CFAP65: variants seen among roughly 807,000 people sequenced by gnomAD.
The protein encoded by CFAP65 is cilia- and flagella-associated protein 65.
A neutral mutation model predicts 208.0 loss-of-function variants in CFAP65; 155 were observed. The observed-to-expected ratio is 0.75, with a 90% confidence interval of 0.65 to 0.85. The LOEUF (loss-of-function observed/expected upper bound fraction) is 0.85. Ranked by LOEUF, CFAP65 falls within the 40% of genes least tolerant of loss-of-function variation. The pLI is 0.00. For missense variants in CFAP65, 2,294 were observed against 2,451.3 expected (o/e 0.94, Z 1.36); for synonymous variants, 970 against 986.3 (o/e 0.98, Z 0.31).
At position 219,002,953 on chromosome 2, in the gene CFAP65, G is replaced by T; in HGVS notation, c.5762C>A (p.Pro1921His). Residue 1921 changes from proline to histidine, a missense_variant, in exon 35 of 35, where the codon CCT (proline) becomes CAT (histidine). Pro to His is a moderately conservative substitution (Grantham distance 77). This residue lies in a region of CFAP65 where 1,427 missense variants were observed against 1,438.7 expected (regional missense o/e 0.99). Transcript: ENST00000341552. The surrounding 1 kb of genome is among the most constrained non-coding windows in gnomAD (Gnocchi z 7.9). ...AEVLHPVVPL[P>H]TDLP is the part of the protein sequence containing the mutation. ...CGCGGGCATTTACGGAAGGTCGGTA[G>T]GAAGTGGCACCACCGGGTGGAGTAC... The T allele has an allele frequency of 6.4e-7, 1 of 1,566,926 alleles. No individual in the cohort carries two copies. Among genetic ancestry groups the T allele is most frequent in the Non-Finnish European group, 8.7e-7 (1 of 1,155,642 alleles).
rs752025994 is a variant in CFAP65, at chr2:219,019,029, A to G, written c.3602+22T>C. 4.3e-6 allele frequency: 7 copies of G among 1,613,950 alleles called. 1 individual carries two copies. The East Asian group carries it at 1.6e-4, about 36-fold the overall frequency. On this transcript the variant is annotated intron_variant, in intron 21 of 34. Transcript: ENST00000341552. ...TAGGCACTTGTCTCCCAGGCCCCCC[A>G]GTGGCCCCCTTCAAGCCATACCAGT...
chr2:219,034,050 A>C (rs1421316830), intron 5 of CFAP65: 1 of 152,212 alleles, frequency 6.6e-6, no homozygotes, highest in Non-Finnish European at 1.5e-5. Context: ...AAATCTAACT[A>C]AGGATGTGCT....
In CFAP65 at chr2:219,019,118, G is replaced by A. The variant is rs746877204; in HGVS notation, c.3535C>T (p.Pro1179Ser). ...LRLDFNFGAA[P>S]FKAPPSVVFL... is the part of the protein sequence containing the mutation. ...ACCACGGAAGGTGGGGCCTTGAATG[G>A]TGCGGCCCCGAAATTGAAGTCAAGC... The change falls in exon 21 of 35, where the codon CCA becomes TCA. Residue 1179 changes from proline (P) to serine (S), a missense_variant. Physicochemically the swap from Pro to Ser is moderately conservative, Grantham distance 74. This residue lies in a region of CFAP65 where 1,427 missense variants were observed against 1,438.7 expected (regional missense o/e 0.99). Coordinates refer to ENST00000341552, the MANE Select transcript of CFAP65 (RefSeq NM_194302.4). The A allele has an allele frequency of 6.2e-7, 1 of 1,614,150 alleles. No individual in the cohort carries two copies. Among genetic ancestry groups the A allele is most frequent in the South Asian group, 1.1e-5 (1 of 91,084 alleles).
Position 219,002,949 on chromosome 2 carries a change from G to T in CFAP65, c.5766C>A (p.Thr1922=), listed in dbSNP as rs960883994. ...EVLHPVVPLP[T]DLP ...TGGGCGCGGGCATTTACGGAAGGTC[G>T]GTAGGAAGTGGCACCACCGGGTGGA... The change falls in exon 35 of 35, where the codon ACC becomes ACA. Residue 1922 remains threonine, a synonymous_variant. Coordinates refer to ENST00000341552, the MANE Select transcript of CFAP65 (RefSeq NM_194302.4). This position sits in a 1 kb window ranked among gnomAD's most constrained non-coding sequence, Gnocchi z 7.9. The T allele has an allele frequency of 3.2e-6, 5 of 1,566,106 alleles. No homozygotes were observed. The highest frequency in any genetic ancestry group is 1.3e-5 in the African/African-American group (1 of 74,350).
intron 25 of CFAP65, 37 bp downstream of exon 25, chr2:219,010,768 C>G (rs1946419236): frequency 6.3e-7 from 1 of 1,588,070 alleles, no homozygotes; most frequent in Admixed American, 1.7e-5. Flanking sequence ...GAAGCCAGCA[C>G]CACCCCACCT....
Position 219,023,239 on chromosome 2 carries a change from A to G in CFAP65, c.2788T>C (p.Ser930Pro), listed in dbSNP as rs1329267051. ...QHRKLLAVQPSRGLIQPNERL... is the reference protein window; with the variant it reads ...QHRKLLAVQPPRGLIQPNERL... The stretch of plus-strand genomic sequence containing the variant: ...TCGTTGGGCTGGATTAGCCCCCTGG[A>G]GGGCTGGACAGCCAGCAGCTTTCGA... Residue 930 changes from serine to proline, a missense_variant, in exon 16 of 35, where the codon TCC becomes CCC. Physicochemically the swap from Ser to Pro is moderately conservative, Grantham distance 74. Coordinates refer to ENST00000341552, the MANE Select transcript of CFAP65 (RefSeq NM_194302.4). The G allele has an allele frequency of 1.2e-6, 2 of 1,612,668 alleles. No individual in the cohort carries two copies. The highest frequency in any genetic ancestry group is 3.3e-5 in the Admixed American group (2 of 60,008).
chr2:219,013,423 C>A, intron 23 of CFAP65, 54 bp from the exon 24 acceptor site: 2 of 1,534,472 alleles, frequency 1.3e-6, no homozygotes, highest in Non-Finnish European at 1.8e-6. Context: ...AGATCTGGAC[C>A]CCAGTTCCCC....
rs150887672 is a variant in CFAP65, at chr2:219,003,016, A to C, written c.5699T>G (p.Leu1900Arg). Reference protein sequence around the residue: ...ALPPFCVPRSLTPDTLLPTQQ... With the variant: ...ALPPFCVPRSRTPDTLLPTQQ... ...CGTCGGCAGCAGCGTGTCCGGGGTCAGACTCCTGGAAGACAAAAAGTCCCA... is the reference window on the plus strand; with the variant it reads ...CGTCGGCAGCAGCGTGTCCGGGGTCCGACTCCTGGAAGACAAAAAGTCCCA... The change falls in exon 35 of 35, where the codon CTG becomes CGG. Residue 1900 changes from leucine to arginine, a missense_variant. This residue lies in a region of CFAP65 where 1,427 missense variants were observed against 1,438.7 expected (regional missense o/e 0.99). Transcript: ENST00000341552. The surrounding 1 kb of genome is among the most constrained non-coding windows in gnomAD (Gnocchi z 4.4). 1.9e-6 allele frequency: 3 copies of C among 1,556,842 alleles called. No individual in the cohort carries two copies. Among genetic ancestry groups the C allele is most frequent in the Non-Finnish European group, 2.6e-6 (3 of 1,149,398 alleles).
chr2:219,010,702 C>T lies in CFAP65; in HGVS notation c.4152G>A (p.Val1384=). The change falls in exon 26 of 35, where the codon GTG becomes GTA. Residue 1384 remains valine, a splice_region_variant and synonymous_variant. Transcript: ENST00000341552. The part of the protein sequence containing the change: ...FSPIEAKTYT[V]DVPIHILGWN... The stretch of plus-strand genomic sequence containing the variant: ...ATCCCAGGATGTGTATGGGCACGTC[C>T]ACCTGGGGAGTTAGGAGGGTGGGGG... 3 of 1,605,110 alleles carry T rather than the reference C, an allele frequency of 1.9e-6. No homozygotes were observed. Among genetic ancestry groups the T allele is most frequent in the Non-Finnish European group, 2.6e-6 (3 of 1,175,856 alleles).
intron 3 of CFAP65, 95 bp downstream of exon 3, chr2:219,038,801 C>T (rs1299712095): frequency 5.8e-6 from 8 of 1,378,638 alleles, no homozygotes; most frequent in Non-Finnish European, 7.8e-6. Context: ...CAAAGAGGGA[C>T]TTGGGGACAA....
In CFAP65 at chr2:219,011,006, G is replaced by T. The variant is rs1346651258; in HGVS notation, c.3958-10C>A. ...TATACAGCTCATAAATCTGCAGGGG[G>T]CAGGAATAGGAAAATTGCCACATCA... On this transcript the variant is annotated splice_polypyrimidine_tract_variant and intron_variant, in intron 24 of 34. Transcript: ENST00000341552. 4.4e-6 allele frequency: 7 copies of T among 1,590,000 alleles called. No homozygotes were observed. The highest frequency in any genetic ancestry group is 6.0e-6 in the Non-Finnish European group (7 of 1,162,238).
chr2:219,013,967 A>C lies in CFAP65; in HGVS notation c.3680T>G (p.Leu1227Arg). The change falls in exon 22 of 35, where the codon CTC becomes CGC. Residue 1227 changes from leucine to arginine, a missense_variant. Physicochemically the swap from Leu to Arg is moderately radical, Grantham distance 102. This residue lies in a region of CFAP65 where 1,427 missense variants were observed against 1,438.7 expected (regional missense o/e 0.99). Coordinates refer to ENST00000341552, the MANE Select transcript of CFAP65 (RefSeq NM_194302.4). ...ATTGTCCTGCACGCGCATCTGGTGGAGCTCAGTGGAATTCAACTCTGCTTG... is the reference window on the plus strand; with the variant it reads ...ATTGTCCTGCACGCGCATCTGGTGGCGCTCAGTGGAATTCAACTCTGCTTG... ...AEQAELNSTELHQMRVQDNCL... is the reference protein window; with the variant it reads ...AEQAELNSTERHQMRVQDNCL... 1 of 1,613,478 alleles carries C rather than the reference A, an allele frequency of 6.2e-7. No homozygotes were observed. The highest frequency in any genetic ancestry group is 8.5e-7 in the Non-Finnish European group (1 of 1,179,826).
intron 11 of CFAP65, 39 bp from the exon 12 acceptor site, chr2:219,028,440 G>T: frequency 2.5e-6 from 4 of 1,576,524 alleles, no homozygotes; most frequent in East Asian, 2.2e-5. Flanking sequence ...CATGGGAGGG[G>T]TGGTAGGGCA....
At position 219,006,235 on chromosome 2, in the gene CFAP65, G is replaced by C. The variant is rs753576012; in HGVS notation, c.4720-12C>G. 6.2e-7 allele frequency: 1 copy of C among 1,600,754 alleles called. No homozygotes were observed. Among genetic ancestry groups the C allele is most frequent in the Non-Finnish European group, 8.5e-7 (1 of 1,171,234 alleles). On this transcript the variant is annotated splice_polypyrimidine_tract_variant and intron_variant, in intron 30 of 34. Transcript: ENST00000341552. ...ATGGGAGGCAGTGTCTTTGGGAAGG[G>C]AGGGACATGGATGACAAGGGTTTGG...
intron 26 of CFAP65, 97 bp from the exon 27 acceptor site, chr2:219,010,182 T>A: frequency 1.6e-6 from 2 of 1,254,680 alleles, no homozygotes; most frequent in Non-Finnish European, 2.2e-6. Context: ...GGTGGGAGGA[T>A]CACGAGGTCA....
rs528954380 is a variant in CFAP65, at chr2:219,030,298, G to C, written c.1162-90C>G. 3 of 1,363,502 alleles carry C rather than the reference G, an allele frequency of 2.2e-6. No homozygotes were observed. In the South Asian group the frequency reaches 3.8e-5, roughly 17 times the overall value. The allele number at this position is 1,363,502 out of a possible 1,614,324, so 84.5% of individuals were successfully genotyped here. ...TCTACGCATTGTACTGGCGTGCCTA[G>C]CCAAGGGGGTGGGGGCAGCTGGCAT... On this transcript the variant is annotated intron_variant, in intron 9 of 34. Transcript: ENST00000341552.
Position 219,024,175 on chromosome 2 carries a change from A to T in CFAP65, c.2435T>A (p.Leu812Gln). 6.2e-7 allele frequency: 1 copy of T among 1,613,992 alleles called. No homozygotes were observed. Among genetic ancestry groups the T allele is most frequent in the Non-Finnish European group, 8.5e-7 (1 of 1,180,032 alleles). ...NKDCKLLTFS[L>Q]APQRGSDVIL... ...GACGTCTGAGCCTCTCTGGGGGGCC[A>T]GGCTGAAGGTCAGCAGCTTGCAGTC... The change falls in exon 15 of 35, where the codon CTG becomes CAG. Residue 812 changes from leucine (L) to glutamine (Q), a missense_variant. Coordinates refer to ENST00000341552, the MANE Select transcript of CFAP65 (RefSeq NM_194302.4).
At chr2:219,033,998 T>C (rs1010565496) in intron 5 of CFAP65, 18 of 152,162 alleles carry the variant, frequency 1.2e-4, no homozygotes, top group Non-Finnish European at 8.8e-5. Flanking sequence ...CTAAAAAATA[T>C]GTCATATATA....
Position 219,003,196 on chromosome 2 carries a change from C to T in CFAP65, c.5632G>A (p.Gly1878Arg). 2 of 1,548,556 alleles carry T rather than the reference C, an allele frequency of 1.3e-6. No homozygotes were observed. Among genetic ancestry groups the T allele is most frequent in the Non-Finnish European group, 1.7e-6 (2 of 1,145,862 alleles). ...IQNILVEASR[G>R]EVVLTSRPRV... ...GGCCGCGAGGTGAGTACCACCTCCC[C>T]GCGGCTCGCCTCCACCAGGATGTTC... is the stretch of plus-strand genomic sequence containing the variant. The change falls in exon 34 of 35, where the codon GGG (glycine) becomes AGG (arginine). Residue 1878 changes from glycine to arginine, a missense_variant. Transcript: ENST00000341552. The surrounding 1 kb of genome is among the most constrained non-coding windows in gnomAD (Gnocchi z 4.4).
Sources: allele counts gnomAD v4.1 joint callset, GRCh38; gene constraint gnomAD v4.1.1; regional missense constraint gnomAD v4.1.1; non-coding constraint Gnocchi (gnomAD v3.1); transcripts MANE v1.5; gene names NCBI Gene and HGNC (gene_info 2026-07-23, HGNC 2026-07-21).